The following RASD2 variants were observed in gnomAD, a reference collection of about 807,000 sequenced individuals.
The protein encoded by RASD2 is RASD family member 2, also known as GTP-binding protein Rhes.
In RASD2, 7 loss-of-function variants were observed where a neutral mutation model predicts 15.8. The ratio of observed to expected loss-of-function variants is 0.44; its 90% confidence interval spans 0.25 to 0.83. The LOEUF (loss-of-function observed/expected upper bound fraction) is 0.83, where lower values mean the gene tolerates loss of function less well. Among genes scored for constraint, RASD2 ranks in the 40% least tolerant of loss-of-function variants. The pLI, the probability that RASD2 is intolerant of heterozygous loss-of-function variation, is 0.20. For synonymous variants in RASD2, 155 were observed against 153.6 expected (o/e 1.01, Z -0.07); for missense variants, 274 against 382.8 (o/e 0.72, Z 2.37).
In RASD2 at chr22:35,551,739, G is replaced by A. The variant is rs1934673205; in HGVS notation, c.508G>A (p.Glu170Lys). The change falls in exon 3 of 3, where the codon GAG becomes AAG. Residue 170 changes from glutamate (E) to lysine (K), a missense_variant. Physicochemically the swap from Glu to Lys is moderately conservative, Grantham distance 56. Coordinates refer to ENST00000216127, the MANE Select transcript of RASD2 (RefSeq NM_014310.4). This position sits in a 1 kb window ranked among gnomAD's most constrained non-coding sequence, Gnocchi z 4.9. ...GGGCGACGAGAACTGCGCCTACTTC[G>A]AGGTGTCGGCCAAGAAGAACACCAA... Reference protein sequence around the residue: ...VSGDENCAYFEVSAKKNTNVD... With the variant: ...VSGDENCAYFKVSAKKNTNVD... 2 of 1,613,956 alleles carry A rather than the reference G, an allele frequency of 1.2e-6. No individual in the cohort carries two copies. The highest frequency in any genetic ancestry group is 1.7e-6 in the Non-Finnish European group (2 of 1,179,984).
upstream of RASD2, among the ~76,000 whole-genome samples, chr22:35,537,971 A>G (rs920229403): frequency 2.7e-5 from 4 of 149,390 alleles, no homozygotes; most frequent in African/African-American, 9.9e-5. Flanking sequence ...TTTGAGACAG[A>G]GTCTTGCTCC....
At chr22:35,547,530 G>A (rs1434183454) in intron 2 of RASD2, among the ~76,000 whole-genome samples, 1 of 152,254 alleles carries the variant, frequency 6.6e-6, no homozygotes, top group East Asian at 1.9e-4. Flanking sequence ...CCAAAGGGAA[G>A]GGGGCTTGGT....
At chr22:35,537,968 C>CA (rs1285908343), upstream of RASD2, among the ~76,000 whole-genome samples, 3 of 147,588 alleles carry the variant, frequency 2.0e-5, no homozygotes, top group African/African-American at 7.5e-5. Context: ...TTTTTTGAGA[C>CA]AGAGTCTTGC....
chr22:35,546,673 G>A, intron 1 of RASD2, 128 bp from the exon 2 acceptor site: 1 of 1,304,858 alleles, frequency 7.7e-7, no homozygotes, highest in Non-Finnish European at 1.0e-6. Context: ...AGACCCCTTA[G>A]AACCTCGTCT....
chr22:35,538,024 C>G (rs715556), upstream of RASD2, among the ~76,000 whole-genome samples: 331 of 151,454 alleles, frequency 2.2e-3, no homozygotes, highest in Non-Finnish European at 4.2e-3. Flanking sequence ...CGGCTCACTG[C>G]AACCTCTGCC....
At chr22:35,550,342 G>A (rs1266137194) in intron 2 of RASD2, among the ~76,000 whole-genome samples, 1 of 150,084 alleles carries the variant, frequency 6.7e-6, no homozygotes, top group South Asian at 2.1e-4. Context: ...TCCAGAGGCT[G>A]AGGCAGGAGA....
chr22:35,543,046 C>T (rs541206591), intron 1 of RASD2, among the ~76,000 whole-genome samples: 36 of 152,188 alleles, frequency 2.4e-4, no homozygotes, highest in Admixed American at 5.2e-4. Context: ...AGAGCCCAGA[C>T]TTTGAAGCCA....
In RASD2 at chr22:35,551,042, T is replaced by G. The variant is rs1934651179; in HGVS notation, c.272-461T>G. 6.6e-6 allele frequency among the ~76,000 whole-genome samples: 1 copy of G among 152,212 alleles called. No homozygotes were observed. Among genetic ancestry groups the G allele is most frequent in the African/African-American group, 2.4e-5 (1 of 41,432 alleles). On this transcript the variant is annotated intron_variant, in intron 2 of 2. Transcript: ENST00000216127. The surrounding 1 kb of genome is among the most constrained non-coding windows in gnomAD (Gnocchi z 4.9). The stretch of plus-strand genomic sequence containing the variant: ...ATGAAACAGACAGAGAAACTGAGGT[T>G]ACAGAGGTTTCGTGATCTGCCCAAG...
chr22:35,538,841 T>C (rs553129147), upstream of RASD2, among the ~76,000 whole-genome samples: 338 of 152,338 alleles, frequency 2.2e-3, 2 homozygotes, highest in Non-Finnish European at 2.7e-3. Flanking sequence ...CACCTCCCAC[T>C]GCCAAGTTCA....
chr22:35,547,894 G>A (rs1430602452), intron 2 of RASD2, among the ~76,000 whole-genome samples: 13 of 152,310 alleles, frequency 8.5e-5, no homozygotes, highest in South Asian at 2.1e-4. Flanking sequence ...GATTACAGGC[G>A]TCAGCCACCG....
At chr22:35,535,295 T>A in the RASD2 span, among the ~76,000 whole-genome samples, 36 of 151,880 alleles carry the variant, frequency 2.4e-4, no homozygotes, top group Non-Finnish European at 4.7e-4. Flanking sequence ...TCCTAGGTAT[T>A]TAGGAGCCTG....
intron 1 of RASD2, among the ~76,000 whole-genome samples, chr22:35,543,955 T>G (rs1025714638): frequency 6.7e-6 from 1 of 150,372 alleles, no homozygotes; most frequent in Non-Finnish European, 1.5e-5. Flanking sequence ...CCCTGCCTCC[T>G]CTCTCTGATT....
the RASD2 span, among the ~76,000 whole-genome samples, chr22:35,535,420 A>C: frequency 6.6e-6 from 1 of 152,160 alleles, no homozygotes; most frequent in Admixed American, 6.5e-5. Flanking sequence ...AAAAAGAAAA[A>C]AAAAAGAGTT....
In RASD2 at chr22:35,551,826, G is replaced by T. The variant is rs922167794; in HGVS notation, c.595G>T (p.Ala199Ser). The T allele has an allele frequency of 3.7e-6, 6 of 1,613,854 alleles. No homozygotes were observed. The South Asian group carries it at 6.6e-5, about 18-fold the overall frequency. The stretch of plus-strand genomic sequence containing the variant: ...CAAGCTGCCACACGAGATGAGCCCC[G>T]CCCTGCATCGCAAGATCTCCGTGCA... Reference protein sequence around the residue: ...MAKLPHEMSPALHRKISVQYG... With the variant: ...MAKLPHEMSPSLHRKISVQYG... The change falls in exon 3 of 3, where the codon GCC becomes TCC. Residue 199 changes from alanine (A) to serine (S), a missense_variant. By Grantham distance (99) the Ala-to-Ser change is moderately conservative (BLOSUM62 1). Coordinates refer to ENST00000216127, the MANE Select transcript of RASD2 (RefSeq NM_014310.4). The surrounding 1 kb of genome is among the most constrained non-coding windows in gnomAD (Gnocchi z 4.9).
intron 2 of RASD2, among the ~76,000 whole-genome samples, chr22:35,549,254 G>A (rs927656655): frequency 2.0e-5 from 3 of 152,216 alleles, no homozygotes; most frequent in African/African-American, 7.2e-5. Flanking sequence ...CCACAATGGA[G>A]AGTATTTTTG....
chr22:35,537,948 T>A (rs1601807807), upstream of RASD2, among the ~76,000 whole-genome samples: 1 of 111,964 alleles, frequency 8.9e-6, no homozygotes, highest in South Asian at 2.5e-4. Flanking sequence ...AGACTTTATA[T>A]CTTTTTTTTT....
upstream of RASD2, among the ~76,000 whole-genome samples, chr22:35,540,376 C>T (rs888308903): frequency 6.7e-5 from 10 of 149,642 alleles, no homozygotes; most frequent in Non-Finnish European, 1.0e-4. Context: ...GACCGCGGCG[C>T]CCCGGAGGCC....
At chr22:35,547,718 G>A (rs1422062580) in intron 2 of RASD2, among the ~76,000 whole-genome samples, 1 of 152,140 alleles carries the variant, frequency 6.6e-6, no homozygotes, top group Non-Finnish European at 1.5e-5. Flanking sequence ...GGGTTCAAGC[G>A]ATTCTCCTGC....
rs778517535 is a variant in RASD2 at position 35,546,788 on chromosome 22, C to T, written c.-9-13C>T. 26 of 1,609,200 alleles carry T rather than the reference C, an allele frequency of 1.6e-5. No individual in the cohort carries two copies. The highest frequency in any genetic ancestry group is 3.3e-5 in the South Asian group (3 of 90,632). On this transcript the variant is annotated splice_polypyrimidine_tract_variant and intron_variant, in intron 1 of 2. Transcript: ENST00000216127. ...GGGGGGCCCTGATGCCTGCTTCTCT[C>T]GCTTTGTTGCAGCCCCGAGCCATGA...
Sources: allele counts gnomAD v4.1 joint callset (sites outside exome capture counted in the v4.1 genomes callset), GRCh38; gene constraint gnomAD v4.1.1; non-coding constraint Gnocchi (gnomAD v3.1); transcripts MANE v1.5; gene names NCBI Gene and HGNC (gene_info 2026-07-23, HGNC 2026-07-21).